WDFY3: variants seen among roughly 807,000 people sequenced by gnomAD.
The protein encoded by WDFY3 is WD repeat and FYVE domain containing 3.
In WDFY3, 66 loss-of-function variants were observed where a neutral mutation model predicts 409.6. The ratio of observed to expected loss-of-function variants is 0.16; its 90% CI spans 0.13 to 0.20. The LOEUF is 0.20. WDFY3 is among the 10% of genes least tolerant of loss of function. WDFY3 has a pLI of 1.00. For missense variants in WDFY3, 3,031 were observed against 4,298.1 expected (o/e 0.71, Z 8.24); for synonymous variants, 1,521 against 1,537.1 (o/e 0.99, Z 0.25).
chr4:84,869,846 T>C (rs997964309), intron 3 of WDFY3, among the ~76,000 whole-genome samples: 16 of 152,214 alleles, frequency 1.1e-4, no homozygotes, highest in African/African-American at 3.9e-4. Flanking sequence ...ACAACACATA[T>C]GAAGAGGTAC....
intron 25 of WDFY3, among the ~76,000 whole-genome samples, chr4:84,780,859 G>A (rs183362423): frequency 2.0e-5 from 3 of 152,138 alleles, no homozygotes; most frequent in African/African-American, 7.2e-5. Flanking sequence ...TGGGTGTAGA[G>A]GAGTGAGCAG....
intron 2 of WDFY3, among the ~76,000 whole-genome samples, chr4:84,901,520 G>T (rs954501047): frequency 5.3e-5 from 8 of 152,118 alleles, no homozygotes; most frequent in Non-Finnish European, 7.4e-5. Flanking sequence ...ATAAGCATAA[G>T]AAATAAATTC....
intron 56 of WDFY3, among the ~76,000 whole-genome samples, chr4:84,697,212 C>T (rs528957760): frequency 6.6e-6 from 1 of 152,310 alleles, no homozygotes; most frequent in African/African-American, 2.4e-5. Flanking sequence ...GACCACAAGA[C>T]TCCTTTTCAG....
chr4:84,877,148 T>C (rs969434273), intron 3 of WDFY3, among the ~76,000 whole-genome samples: 6 of 152,188 alleles, frequency 3.9e-5, no homozygotes, highest in Admixed American at 6.5e-5. Flanking sequence ...AGCCCCTGCA[T>C]AGGCCTGACG....
chr4:84,762,357 G>GC (rs1055315546), intron 32 of WDFY3, among the ~76,000 whole-genome samples: 5 of 150,794 alleles, frequency 3.3e-5, no homozygotes, highest in African/African-American at 1.2e-4. Context: ...GTAAACTATC[G>GC]CAAGAACAAA....
intron 3 of WDFY3, among the ~76,000 whole-genome samples, chr4:84,894,579 G>A (rs921661494): frequency 4.6e-5 from 7 of 152,064 alleles, no homozygotes; most frequent in South Asian, 2.1e-4. Flanking sequence ...CTGAGGTCAG[G>A]AGTTCGAGAG....
At chr4:84,779,129 A>C (rs1282686419) in intron 26 of WDFY3, among the ~76,000 whole-genome samples, 1 of 152,186 alleles carries the variant, frequency 6.6e-6, no homozygotes, top group Non-Finnish European at 1.5e-5. Context: ...TGCTTAGAGT[A>C]TAATTAGTCA....
intron 3 of WDFY3, among the ~76,000 whole-genome samples, chr4:84,873,762 C>T (rs953158282): frequency 4.0e-5 from 6 of 151,332 alleles, no homozygotes; most frequent in African/African-American, 1.2e-4. Context: ...GTGTCTTGTT[C>T]GTTTTTTTGT....
intron 1 of WDFY3, among the ~76,000 whole-genome samples, chr4:84,938,101 A>T (rs190323293): frequency 7.2e-4 from 110 of 152,240 alleles, no homozygotes; most frequent in Admixed American, 2.6e-3. Context: ...ATGTCCTTCC[A>T]TGAAAATGTA....
At chr4:84,941,585 T>C (rs547906465) in intron 1 of WDFY3, among the ~76,000 whole-genome samples, 1 of 152,170 alleles carries the variant, frequency 6.6e-6, no homozygotes, top group South Asian at 2.1e-4. Flanking sequence ...AGGCAATATA[T>C]TCAAGGAATC....
At chr4:84,898,377 G>A (rs945527728) in intron 2 of WDFY3, among the ~76,000 whole-genome samples, 1 of 152,180 alleles carries the variant, frequency 6.6e-6, no homozygotes, top group Non-Finnish European at 1.5e-5. Flanking sequence ...CCACACCAGT[G>A]ATTCAAGTGC....
chr4:84,709,373 A>C, intron 51 of WDFY3, 26 bp from the exon 52 acceptor site: 1 of 1,565,924 alleles, frequency 6.4e-7, no homozygotes, highest in Non-Finnish European at 8.6e-7. Flanking sequence ...AATACAATAA[A>C]TTACAAGCAA....
At chr4:84,853,248 G>A (rs542777703) in intron 4 of WDFY3, among the ~76,000 whole-genome samples, 1 of 152,330 alleles carries the variant, frequency 6.6e-6, no homozygotes, top group African/African-American at 2.4e-5. Flanking sequence ...TCGGCTCACT[G>A]CAACCTCTGC....
Position 84,757,273 on chromosome 4 carries a change from CA to C in WDFY3, c.5189-113del, listed in dbSNP as rs560307587. The C allele has an allele frequency of 5.2e-3, 4,764 of 910,290 alleles. 30 individuals are homozygous for C. Among genetic ancestry groups the C allele is most frequent in the Non-Finnish European group, 6.3e-3 (3,679 of 584,556 alleles). 56.4% of individuals were successfully genotyped at this position (910,290 alleles called of 1,614,324 possible). A position where few individuals can be genotyped will look rare whatever the true frequency, so the allele number is the denominator to read the frequency against. On this transcript the variant is annotated intron_variant, in intron 32 of 67. Coordinates refer to ENST00000295888, the MANE Select transcript of WDFY3 (RefSeq NM_014991.6). ...TGTTAACATTTCTATCCAGAACATT[CA>C]TACTACTATAGGCAATTAAGTATTC...
intron 1 of WDFY3, among the ~76,000 whole-genome samples, chr4:84,962,777 G>GA (rs1331641712): frequency 2.0e-5 from 3 of 150,880 alleles, no homozygotes; most frequent in African/African-American, 7.3e-5. Flanking sequence ...CAGTTCAAGC[G>GA]ATTCTCCTGC....
chr4:84,810,677 T>C (rs563127535), intron 13 of WDFY3, among the ~76,000 whole-genome samples: 1 of 152,314 alleles, frequency 6.6e-6, no homozygotes, highest in East Asian at 1.9e-4. Flanking sequence ...ATATATCTTC[T>C]AGTCTAGTTT....
At chr4:84,923,614 G>A (rs752662109) in intron 2 of WDFY3, among the ~76,000 whole-genome samples, 2 of 152,138 alleles carry the variant, frequency 1.3e-5, no homozygotes, top group Non-Finnish European at 2.9e-5. Context: ...CTCCTACAGG[G>A]GAAGAGATTC....
intron 12 of WDFY3, 98 bp from the exon 13 acceptor site, chr4:84,817,683 A>T (rs938989505): frequency 3.6e-6 from 4 of 1,100,688 alleles, no homozygotes; most frequent in Non-Finnish European, 5.2e-6. Context: ...AGGTAAAGTA[A>T]CTCATAATAA....
chr4:84,965,397 G>C (rs1190095301), intron 1 of WDFY3, among the ~76,000 whole-genome samples: 1 of 152,154 alleles, frequency 6.6e-6, no homozygotes. Flanking sequence ...CCATGCAAGG[G>C]TTCACATATG....
Sources: allele counts gnomAD v4.1 joint callset (sites outside exome capture counted in the v4.1 genomes callset), GRCh38; gene constraint gnomAD v4.1.1; transcripts MANE v1.5; gene names NCBI Gene and HGNC (gene_info 2026-07-23, HGNC 2026-07-21).